Variants in GABRB2 observed in about 807,000 individuals in gnomAD.
GABRB2 encodes gamma-aminobutyric acid type A receptor subunit beta2.
In GABRB2, 16 loss-of-function variants were observed where a neutral mutation model predicts 54.7. The ratio of observed to expected loss-of-function variants is 0.29; its 90% CI spans 0.20 to 0.44. The LOEUF (loss-of-function observed/expected upper bound fraction) is 0.44. Among genes scored for constraint, GABRB2 ranks in the 20% least tolerant of loss-of-function variants. The pLI is 1.00. For missense variants in GABRB2, 355 were observed against 644.0 expected (o/e 0.55, Z 4.86); for synonymous variants, 244 against 233.8 (o/e 1.04, Z -0.40).
intron 4 of GABRB2, among the ~76,000 whole-genome samples, chr5:161,416,912 T>TA (rs1432923114): frequency 6.6e-6 from 1 of 151,762 alleles, no homozygotes; most frequent in Non-Finnish European, 1.5e-5. Context: ...AGGCCAATTA[T>TA]AAAAAATATA....
chr5:161,419,298 G>A (rs915209436), intron 4 of GABRB2, among the ~76,000 whole-genome samples: 19 of 152,148 alleles, frequency 1.2e-4, no homozygotes, highest in African/African-American at 4.6e-4. Flanking sequence ...TTATGAAAAA[G>A]TAAAAAATAG....
At chr5:161,297,418 G>A (rs1212415731) in intron 9 of GABRB2, among the ~76,000 whole-genome samples, 1 of 152,080 alleles carries the variant, frequency 6.6e-6, no homozygotes, top group Non-Finnish European at 1.5e-5. Flanking sequence ...TTCTCCTAAT[G>A]CTATCCCTCC....
At chr5:161,464,076 T>G (rs1758207674) in intron 3 of GABRB2, among the ~76,000 whole-genome samples, 1 of 151,836 alleles carries the variant, frequency 6.6e-6, no homozygotes, top group Admixed American at 6.6e-5. Flanking sequence ...GTATAAGCAA[T>G]AAAACAAAAA....
chr5:161,454,181 T>G (rs567055977), intron 4 of GABRB2, among the ~76,000 whole-genome samples: 95 of 152,296 alleles, frequency 6.2e-4, no homozygotes, highest in African/African-American at 2.1e-3. Flanking sequence ...CAACACATTA[T>G]TAAATGAAAA....
In GABRB2 at chr5:161,399,349, C is replaced by G. The variant is rs186414800; in HGVS notation, c.541+11626G>C. Among the ~76,000 whole-genome samples, 407 of 152,146 alleles carry G rather than the reference C, an allele frequency of 2.7e-3. 3 individuals are homozygous for G. Among genetic ancestry groups the G allele is most frequent in the Non-Finnish European group, 9.1e-4 (62 of 67,990 alleles). ...CTACACTTTCCAGGCTCACGTTTTTCTATGGTTCTAAACGTGATCCAGACT... is the reference window on the plus strand; with the variant it reads ...CTACACTTTCCAGGCTCACGTTTTTGTATGGTTCTAAACGTGATCCAGACT... On this transcript the variant is annotated intron_variant, in intron 5 of 9. Coordinates refer to ENST00000393959, the MANE Select transcript of GABRB2 (RefSeq NM_001371727.1).
chr5:161,537,085 C>A (rs1760660566), intron 3 of GABRB2, among the ~76,000 whole-genome samples: 1 of 152,118 alleles, frequency 6.6e-6, no homozygotes, highest in Non-Finnish European at 1.5e-5. Flanking sequence ...ACGCAGCTGA[C>A]TATTTGCTTC....
intron 5 of GABRB2, among the ~76,000 whole-genome samples, chr5:161,382,578 T>C (rs897822554): frequency 6.6e-6 from 1 of 152,192 alleles, no homozygotes; most frequent in African/African-American, 2.4e-5. Flanking sequence ...GATATCTCCC[T>C]GATTCCCTGT....
intron 4 of GABRB2, among the ~76,000 whole-genome samples, chr5:161,455,547 T>TC (rs1305253737): frequency 6.6e-6 from 1 of 151,418 alleles, no homozygotes; most frequent in Non-Finnish European, 1.5e-5. Flanking sequence ...TTTTTTTTTT[T>TC]TGAGACAGGG....
At chr5:161,419,454 C>T (rs1462411307) in intron 4 of GABRB2, among the ~76,000 whole-genome samples, 1 of 152,192 alleles carries the variant, frequency 6.6e-6, no homozygotes, top group Non-Finnish European at 1.5e-5. Flanking sequence ...AATCCAACTA[C>T]TGGGTATCTA....
At chr5:161,435,325 T>A (rs936046586) in intron 4 of GABRB2, among the ~76,000 whole-genome samples, 1 of 152,030 alleles carries the variant, frequency 6.6e-6, no homozygotes, top group Non-Finnish European at 1.5e-5. Flanking sequence ...GCCTTCAAGA[T>A]AAAACTGCAC....
At chr5:161,432,917 T>G (rs7714930) in intron 4 of GABRB2, among the ~76,000 whole-genome samples, 1 of 151,844 alleles carries the variant, frequency 6.6e-6, no homozygotes, top group Admixed American at 6.6e-5. Flanking sequence ...TTCAATATAA[T>G]CTTTGAGATT....
intron 9 of GABRB2, among the ~76,000 whole-genome samples, chr5:161,315,872 A>G (rs1318778939): frequency 6.6e-6 from 1 of 152,214 alleles, no homozygotes; most frequent in Non-Finnish European, 1.5e-5. Flanking sequence ...ATCACATCCG[A>G]AGCACATTAA....
chr5:161,455,650 C>T (rs1407707666), intron 4 of GABRB2, among the ~76,000 whole-genome samples: 1 of 151,826 alleles, frequency 6.6e-6, no homozygotes, highest in Non-Finnish European at 1.5e-5. Context: ...CCACCTCAGC[C>T]TCCTCCAGAG....
At chr5:161,346,347 G>A (rs1335121763) in intron 5 of GABRB2, among the ~76,000 whole-genome samples, 1 of 152,032 alleles carries the variant, frequency 6.6e-6, no homozygotes, top group South Asian at 2.1e-4. Flanking sequence ...GTTCCCTGGC[G>A]AAAAGTGGAT....
intron 4 of GABRB2, among the ~76,000 whole-genome samples, chr5:161,419,148 C>A (rs896969975): frequency 2.6e-5 from 4 of 151,970 alleles, no homozygotes; most frequent in Non-Finnish European, 4.4e-5. Flanking sequence ...AATAAACAAA[C>A]TAACAAAAAA....
intron 3 of GABRB2, among the ~76,000 whole-genome samples, chr5:161,521,000 TG>T (rs1278652853): frequency 6.6e-6 from 1 of 152,042 alleles, no homozygotes; most frequent in Non-Finnish European, 1.5e-5. Context: ...TATGTCTTGT[TG>T]CCTGTGACTG....
chr5:161,529,372 C>T (rs557244951), intron 3 of GABRB2, among the ~76,000 whole-genome samples: 5 of 151,972 alleles, frequency 3.3e-5, no homozygotes, highest in South Asian at 2.1e-4. Flanking sequence ...ATGTTGGAGG[C>T]GATTCCATTT....
At chr5:161,380,446 T>C (rs1408446630) in intron 5 of GABRB2, among the ~76,000 whole-genome samples, 2 of 152,142 alleles carry the variant, frequency 1.3e-5, no homozygotes, top group African/African-American at 4.8e-5. Flanking sequence ...AATGCTCAAA[T>C]CTCTATTTAA....
intron 5 of GABRB2, among the ~76,000 whole-genome samples, chr5:161,351,636 C>A: frequency 6.6e-6 from 1 of 152,022 alleles, no homozygotes. Context: ...TGACATTGGT[C>A]TGGGCAATAA....
Sources: gnomAD v4.1 joint callset for allele counts (sites outside exome capture counted in the v4.1 genomes callset) on GRCh38, gnomAD v4.1.1 for gene constraint, MANE v1.5 for transcripts, NCBI Gene and HGNC (gene_info 2026-07-23, HGNC 2026-07-21) for gene names.